DARS1: variants seen among roughly 807,000 people sequenced by gnomAD.
The protein encoded by DARS1 is aspartyl-tRNA synthetase 1.
A neutral mutation model predicts 68.8 loss-of-function variants in DARS1; 51 were observed. The ratio of observed to expected loss-of-function variants is 0.74; its 90% confidence interval spans 0.59 to 0.94. DARS1 has a LOEUF of 0.94. Among genes scored for constraint, DARS1 ranks in the 40% least tolerant of loss-of-function variants. DARS1 has a pLI of 0.00. For missense variants in DARS1, 607 were observed against 597.3 expected, an observed-to-expected ratio of 1.02 and a Z score of -0.17; for synonymous variants, 203 against 190.4, an observed-to-expected ratio of 1.07 and a Z score of -0.55.
At chr2:135,972,553 A>G (rs2104843536) in intron 3 of DARS1, among the ~76,000 whole-genome samples, 1 of 152,338 alleles carries the variant, frequency 6.6e-6, no homozygotes, top group East Asian at 1.9e-4. Context: ...AGCACAGGCA[A>G]CTGAAGTAGA....
intron 2 of DARS1, 100 bp from the exon 3 acceptor site, chr2:135,979,466 G>A (rs371838541): frequency 1.5e-6 from 1 of 687,700 alleles, no homozygotes. Flanking sequence ...ATAAGTACTT[G>A]GAACCATCCT....
At position 135,916,924 on chromosome 2, in the gene DARS1, C is replaced by T. The variant is rs1264767128; in HGVS notation, c.960-552G>A. 2.6e-5 allele frequency among the ~76,000 whole-genome samples: 4 copies of T among 152,250 alleles called. No individual in the cohort carries two copies. The East Asian group carries it at 7.7e-4, about 29-fold the overall frequency. On this transcript the variant is annotated intron_variant, in intron 10 of 15. Coordinates refer to ENST00000264161, the MANE Select transcript of DARS1 (RefSeq NM_001349.4). The stretch of plus-strand genomic sequence containing the variant: ...TAAAAGGTCTATTTTTGACCGGGTG[C>T]AGTGGCTCACACCTGTAATCCCAGC...
chr2:135,972,838 GATCTTCA>G (rs1222110556), intron 3 of DARS1, among the ~76,000 whole-genome samples: 1 of 152,184 alleles, frequency 6.6e-6, no homozygotes, highest in East Asian at 1.9e-4. Flanking sequence ...CATCATCACT[GATCTTCA>G]GAGGAATGCA....
rs571020480 is a variant in DARS1 at position 135,970,633 on chromosome 2, T to C, written c.217+8641A>G. 5.3e-5 allele frequency among the ~76,000 whole-genome samples: 8 copies of C among 151,684 alleles called. No individual in the cohort carries two copies. In the East Asian group the frequency reaches 1.2e-3, roughly 22 times the overall value. On this transcript the variant is annotated intron_variant, in intron 3 of 15. Transcript: ENST00000264161. Reference sequence around the variant, plus strand: ...AGAGCAGAAATAAATGAATTTGAAATAAAGGAAACAATATAAAAGATCAAT... The same window carrying C: ...AGAGCAGAAATAAATGAATTTGAAACAAAGGAAACAATATAAAAGATCAAT...
intron 9 of DARS1, 82 bp downstream of exon 9, chr2:135,922,702 A>C: frequency 1.4e-6 from 2 of 1,413,150 alleles, no homozygotes; most frequent in Non-Finnish European, 1.8e-6. Context: ...GTGTCTGTAC[A>C]TTATATAAGT....
At position 135,916,376 on chromosome 2, in the gene DARS1, T is replaced by C. The variant is rs1431580178; in HGVS notation, c.960-4A>G. On this transcript the variant is annotated splice_region_variant and splice_polypyrimidine_tract_variant and intron_variant, in intron 10 of 15. Transcript: ENST00000264161. ...TGTTTGAATTTCAGTCTGAAACCTA[T>C]TTGCAGAATGATTTAGTTAATAAAA... The C allele has an allele frequency of 6.7e-7, 1 of 1,499,914 alleles. No homozygotes were observed. Among genetic ancestry groups the C allele is most frequent in the East Asian group, 2.3e-5 (1 of 44,332 alleles). The allele number at this position is 1,499,914 out of a possible 1,614,324, so 92.9% of individuals were successfully genotyped here. A position where few individuals can be genotyped will look rare whatever the true frequency, so the allele number is the denominator to read the frequency against.
At chr2:135,964,460 G>C (rs1575403786) in intron 3 of DARS1, among the ~76,000 whole-genome samples, 2 of 152,128 alleles carry the variant, frequency 1.3e-5, no homozygotes, top group African/African-American at 2.4e-5. Flanking sequence ...TAGAACCCGG[G>C]AAGTTTTAGA....
At chr2:135,911,987 C>T (rs958082212) in intron 13 of DARS1, among the ~76,000 whole-genome samples, 1 of 152,120 alleles carries the variant, frequency 6.6e-6, no homozygotes, top group Non-Finnish European at 1.5e-5. Flanking sequence ...TTATCAGGCT[C>T]CCATTCCACA....
At chr2:135,932,445 C>T (rs1001805309) in intron 7 of DARS1, among the ~76,000 whole-genome samples, 1 of 152,086 alleles carries the variant, frequency 6.6e-6, no homozygotes, top group Non-Finnish European at 1.5e-5. Flanking sequence ...TAATTTTTTT[C>T]ATAACTTTGT....
rs1681092519 is a variant in DARS1 at position 135,920,562 on chromosome 2, T to G, written c.850A>C (p.Thr284Pro). Residue 284 changes from threonine (T) to proline (P), a missense_variant, in exon 10 of 16, where the codon ACT (threonine) becomes CCT (proline). Physicochemically the swap from Thr to Pro is conservative, Grantham distance 38. Coordinates refer to ENST00000264161, the MANE Select transcript of DARS1 (RefSeq NM_001349.4). ...TCAATGTCCAAACCAACAAACTCAG[T>G]TAGATGTCTATGGGTATTAGAGTCT... Reference protein sequence around the residue: ...AEDSNTHRHLTEFVGLDIEMA... With the variant: ...AEDSNTHRHLPEFVGLDIEMA... The G allele has an allele frequency of 6.2e-7, 1 of 1,613,452 alleles. No homozygotes were observed. Among genetic ancestry groups the G allele is most frequent in the Non-Finnish European group, 8.5e-7 (1 of 1,179,794 alleles).
intron 1 of DARS1, 197 bp downstream of exon 1, chr2:135,985,206 C>A (rs975691472): frequency 2.3e-6 from 2 of 857,178 alleles, no homozygotes; most frequent in African/African-American, 1.7e-5. Context: ...CCCAGGTGAC[C>A]CCCGCAAGAA....
At chr2:135,968,744 C>T (rs1682295736) in intron 3 of DARS1, among the ~76,000 whole-genome samples, 1 of 151,466 alleles carries the variant, frequency 6.6e-6, no homozygotes, top group African/African-American at 2.4e-5. Flanking sequence ...TCACTGCAAC[C>T]TCCGCCTCCT....
rs369438694 is a variant in DARS1 at position 135,962,084 on chromosome 2, C to T, written c.218-586G>A. The stretch of plus-strand genomic sequence containing the variant: ...TTTTTCCTTTATCACCTTCCTAGTC[C>T]TTCATATTTTATGAGTCTCGCATTT... On this transcript the variant is annotated intron_variant, in intron 3 of 15. Transcript: ENST00000264161. 3.3e-5 allele frequency among the ~76,000 whole-genome samples: 5 copies of T among 152,264 alleles called. No individual in the cohort carries two copies. In the East Asian group the frequency reaches 9.6e-4, roughly 29 times the overall value.
At chr2:135,965,593 A>T (rs1682207430) in intron 3 of DARS1, among the ~76,000 whole-genome samples, 1 of 152,246 alleles carries the variant, frequency 6.6e-6, no homozygotes. Context: ...TGCTTGGGAG[A>T]ATTAAAATCG....
At chr2:135,966,601 C>T (rs947369887) in intron 3 of DARS1, among the ~76,000 whole-genome samples, 4 of 152,264 alleles carry the variant, frequency 2.6e-5, no homozygotes, top group East Asian at 1.9e-4. Context: ...AGTAATGGCA[C>T]GATGACTGCA....
intron 10 of DARS1, among the ~76,000 whole-genome samples, chr2:135,917,365 T>C (rs1223355446): frequency 6.6e-6 from 1 of 152,158 alleles, no homozygotes; most frequent in African/African-American, 2.4e-5. Flanking sequence ...GTGTTTGAAA[T>C]TTTTCCATAA....
intron 3 of DARS1, among the ~76,000 whole-genome samples, chr2:135,962,993 A>G (rs778198220): frequency 2.6e-5 from 4 of 152,218 alleles, no homozygotes; most frequent in Admixed American, 6.5e-5. Flanking sequence ...TCCAGACAGA[A>G]GCAGCACCAA....
intron 2 of DARS1, among the ~76,000 whole-genome samples, chr2:135,982,405 G>A (rs910680842): frequency 2.0e-5 from 3 of 151,872 alleles, no homozygotes; most frequent in Admixed American, 2.0e-4. Context: ...AGATCAGCCT[G>A]GGCAACACAG....
At chr2:135,947,954 C>T (rs181566057) in intron 4 of DARS1, among the ~76,000 whole-genome samples, 1 of 152,256 alleles carries the variant, frequency 6.6e-6, no homozygotes, top group East Asian at 1.9e-4. Flanking sequence ...GCTGTTGTTG[C>T]CAACCTTAGT....
Sources: gnomAD v4.1 joint callset for allele counts (sites outside exome capture counted in the v4.1 genomes callset) on GRCh38, gnomAD v4.1.1 for gene constraint, MANE v1.5 for transcripts, NCBI Gene and HGNC (gene_info 2026-07-23, HGNC 2026-07-21) for gene names.